The following PLEKHM1 variants were observed in gnomAD, a reference collection of about 807,000 sequenced individuals.
PLEKHM1 encodes pleckstrin homology domain-containing family M member 1.
PLEKHM1 carries 28 observed loss-of-function variants against 94.3 expected under a neutral mutation model. That is an observed-to-expected ratio of 0.30 (90% confidence interval 0.22 to 0.41). The LOEUF (loss-of-function observed/expected upper bound fraction) is 0.41, where lower values mean the gene tolerates loss of function less well. PLEKHM1 is among the 10% of genes least tolerant of loss of function. The probability of loss-of-function intolerance (pLI) is 1.00; values close to 1 mark genes in which losing one functional copy is unlikely to be tolerated. For missense variants in PLEKHM1, 907 were observed against 1,358.6 expected (o/e 0.67, Z 5.22); for synonymous variants, 424 against 581.2 (o/e 0.73, Z 3.89).
chr17:45,475,832 C>A lies in PLEKHM1; in HGVS notation c.297-106G>T, dbSNP rs191498232. The A allele has an allele frequency of 2.5e-6, 3 of 1,202,192 alleles. No homozygotes were observed. In the African/African-American group the frequency reaches 4.5e-5, roughly 18 times the overall value. The allele number at this position is 1,202,192 out of a possible 1,614,324, so 74.5% of individuals were successfully genotyped here. A position where few individuals can be genotyped will look rare whatever the true frequency, so the allele number is the denominator to read the frequency against. On this transcript the variant is annotated intron_variant, in intron 3 of 11. Coordinates refer to ENST00000430334, the MANE Select transcript of PLEKHM1 (RefSeq NM_014798.3). ...CAGGAATAACTACTGCAAATAGATA[C>A]AGGCATGAAAAAATATTGGGTAATA...
At position 45,453,891 on chromosome 17, in the gene PLEKHM1, C is replaced by T. The variant is rs530953924; in HGVS notation, c.1961G>A (p.Cys654Tyr). ...CGAGAGCAGGTCTGAGGGAGAGAGG[C>T]AGCCCTGGGGCGCCTCGGGGGGTTC... ...PEEPPEAPQG[C>Y]LSPSDLLSEP... Residue 654 changes from cysteine (C) to tyrosine (Y), a missense_variant, in exon 7 of 12, where the codon TGC becomes TAC. Physicochemically the swap from Cys to Tyr is radical, Grantham distance 194 (BLOSUM62 -2). Transcript: ENST00000430334. This position sits in a 1 kb window ranked among gnomAD's most constrained non-coding sequence, Gnocchi z 4.1. 1 of 1,613,862 alleles carries T rather than the reference C, an allele frequency of 6.2e-7. No homozygotes were observed. The highest frequency in any genetic ancestry group is 1.1e-5 in the South Asian group (1 of 91,070).
chr17:45,437,878 C>G lies in PLEKHM1; in HGVS notation c.3151G>C (p.Glu1051Gln). ...PRCARRRKYQ[E>Q]QNIFA is the part of the protein sequence containing the mutation. The stretch of plus-strand genomic sequence containing the variant: ...GGGCATCAGGCGAAAATGTTCTGTT[C>G]CTGGTACTTGCGCCGGCGGGCACAG... The change falls in exon 12 of 12, where the codon GAA (glutamate) becomes CAA (glutamine). Residue 1051 changes from glutamate to glutamine, a missense_variant. By Grantham distance (29) the Glu-to-Gln change is conservative. Around this residue, in one of 3 missense-constraint regions of PLEKHM1, gnomAD observed 254 missense variants for 451.1 expected, o/e 0.56. Transcript: ENST00000430334. This position sits in a 1 kb window ranked among gnomAD's most constrained non-coding sequence, Gnocchi z 4.0. 6.2e-7 allele frequency: 1 copy of G among 1,613,954 alleles called. No individual in the cohort carries two copies. Among genetic ancestry groups the G allele is most frequent in the Non-Finnish European group, 8.5e-7 (1 of 1,179,966 alleles).
At chr17:45,461,355 T>C (rs1597960420) in intron 5 of PLEKHM1, among the ~76,000 whole-genome samples, 1 of 152,312 alleles carries the variant, frequency 6.6e-6, no homozygotes, top group East Asian at 1.9e-4. Flanking sequence ...ATTTTCCGGA[T>C]GGTGTGCCCT....
chr17:45,439,695 A>G lies in PLEKHM1; in HGVS notation c.2902-61T>C. ...GTCTGCGATCTGCGGAGGGCTGGTAAACTGAGGCCCCAGGCCTTTCAAGCA... is the reference window on the plus strand; with the variant it reads ...GTCTGCGATCTGCGGAGGGCTGGTAGACTGAGGCCCCAGGCCTTTCAAGCA... On this transcript the variant is annotated intron_variant, in intron 10 of 11. Coordinates refer to ENST00000430334, the MANE Select transcript of PLEKHM1 (RefSeq NM_014798.3). 3 of 1,605,756 alleles carry G rather than the reference A, an allele frequency of 1.9e-6. No homozygotes were observed. The South Asian group carries it at 3.3e-5, about 18-fold the overall frequency.
At chr17:45,479,090 G>C (rs79796615) in intron 2 of PLEKHM1, among the ~76,000 whole-genome samples, 254 of 149,860 alleles carry the variant, frequency 1.7e-3, no homozygotes, top group Non-Finnish European at 3.3e-3. Flanking sequence ...ATTCTAAAAA[G>C]AGGCTGGGTG....
At chr17:45,449,589 TCCATCCACCAAC>T (rs2050709196) in intron 8 of PLEKHM1, among the ~76,000 whole-genome samples, 1 of 151,020 alleles carries the variant, frequency 6.6e-6, no homozygotes, top group Admixed American at 6.6e-5. Context: ...TACCCATCCA[TCCATCCACCAAC>T]CCATCCACCT....
rs1160429593 is a variant in PLEKHM1 at position 45,444,279 on chromosome 17, G to C, written c.2837+1191C>G. 1.3e-5 allele frequency among the ~76,000 whole-genome samples: 2 copies of C among 152,204 alleles called. No homozygotes were observed. The highest frequency in any genetic ancestry group is 2.9e-5 in the Non-Finnish European group (2 of 68,028). On this transcript the variant is annotated intron_variant, in intron 9 of 11. Transcript: ENST00000430334. This position sits in a 1 kb window ranked among gnomAD's most constrained non-coding sequence, Gnocchi z 5.0. The stretch of plus-strand genomic sequence containing the variant: ...CATTCTGGGCAGTAGGCACCGGCAG[G>C]CTTCTCCGCCTGAGGTCTGCCCTCC...
intron 1 of PLEKHM1, among the ~76,000 whole-genome samples, chr17:45,486,211 C>T (rs1221575210): frequency 7.9e-5 from 11 of 139,138 alleles, no homozygotes; most frequent in African/African-American, 1.4e-4. Flanking sequence ...AGAGAGACTC[C>T]GTCTCAAAAA....
At chr17:45,479,802 TG>T (rs1209315299) in intron 2 of PLEKHM1, among the ~76,000 whole-genome samples, 9 of 152,254 alleles carry the variant, frequency 5.9e-5, no homozygotes, top group Non-Finnish European at 1.3e-4. Context: ...GCACTGTGCC[TG>T]GCACATAGAA....
At chr17:45,480,240 C>T (rs1305816362) in intron 2 of PLEKHM1, among the ~76,000 whole-genome samples, 5 of 152,142 alleles carry the variant, frequency 3.3e-5, no homozygotes, top group Non-Finnish European at 5.9e-5. Flanking sequence ...CCCAGCACTT[C>T]GGGAGGCCAA....
rs758867157 is a variant in PLEKHM1 at position 45,475,498 on chromosome 17, G to A, written c.525C>T (p.Ser175=). Residue 175 remains serine (S), a synonymous_variant, in exon 4 of 12, where the codon TCC becomes TCT. Transcript: ENST00000430334. ...LSFLQGLTSL[S]FELSYKSAIL... is the part of the protein sequence containing the mutation. ...TGGCAGACTTGTAGGAGAGTTCGAA[G>A]GACAAGGACGTGAGGCCCTGCAGGA... 6.8e-6 allele frequency: 11 copies of A among 1,611,926 alleles called. 1 individual carries two copies. The highest frequency in any genetic ancestry group is 3.3e-5 in the South Asian group (3 of 91,084).
chr17:45,453,283 G>A lies in PLEKHM1; in HGVS notation c.2497+72C>T. On this transcript the variant is annotated intron_variant, in intron 7 of 11. Transcript: ENST00000430334. The surrounding 1 kb of genome is among the most constrained non-coding windows in gnomAD (Gnocchi z 4.1). Reference sequence around the variant, plus strand: ...TTGCGGGGAGGCAGAAGGGTGGGGAGCCTAAATCAGGAACCAGCAGGAGGT... The same window carrying A: ...TTGCGGGGAGGCAGAAGGGTGGGGAACCTAAATCAGGAACCAGCAGGAGGT... The A allele has an allele frequency of 6.6e-7, 1 of 1,514,616 alleles. No individual in the cohort carries two copies. The highest frequency in any genetic ancestry group is 1.2e-5 in the South Asian group (1 of 84,228). 93.8% of individuals were successfully genotyped at this position (1,514,616 alleles called of 1,614,324 possible). A position where few individuals can be genotyped will look rare whatever the true frequency, so the allele number is the denominator to read the frequency against.
Position 45,453,306 on chromosome 17 carries a change from G to C in PLEKHM1, c.2497+49C>G, listed in dbSNP as rs759688948. 1 of 1,584,948 alleles carries C rather than the reference G, an allele frequency of 6.3e-7. No individual in the cohort carries two copies. Among genetic ancestry groups the C allele is most frequent in the Admixed American group, 1.8e-5 (1 of 56,022 alleles). On this transcript the variant is annotated intron_variant, in intron 7 of 11. Coordinates refer to ENST00000430334, the MANE Select transcript of PLEKHM1 (RefSeq NM_014798.3). The surrounding 1 kb of genome is among the most constrained non-coding windows in gnomAD (Gnocchi z 4.1). ...GAGCCTAAATCAGGAACCAGCAGGAGGTGGAGTGAGGCTGGCAGGCTGGGG... is the reference window on the plus strand; with the variant it reads ...GAGCCTAAATCAGGAACCAGCAGGACGTGGAGTGAGGCTGGCAGGCTGGGG...
At position 45,445,507 on chromosome 17, in the gene PLEKHM1, G is replaced by A. The variant is rs1316385446; in HGVS notation, c.2800C>T (p.Leu934=). ...TCCTTCAGGGCGCCACTCCGGCACA[G>A]GCCCAGGTAATCCCCCAGGAGCTTC... The part of the protein sequence containing the change: ...QLKLLGDYLG[L]CRSGALKELS... Residue 934 remains leucine (L), a synonymous_variant, in exon 9 of 12, where the codon CTG becomes TTG. Coordinates refer to ENST00000430334, the MANE Select transcript of PLEKHM1 (RefSeq NM_014798.3). This position sits in a 1 kb window ranked among gnomAD's most constrained non-coding sequence, Gnocchi z 4.2. 6.2e-7 allele frequency: 1 copy of A among 1,613,790 alleles called. No homozygotes were observed. Among genetic ancestry groups the A allele is most frequent in the African/African-American group, 1.3e-5 (1 of 74,950 alleles).
chr17:45,439,625 C>T lies in PLEKHM1; in HGVS notation c.2911G>A (p.Gly971Arg), dbSNP rs764393685. ...SVADLQQIAD[G>R]VYEGFLKALI... ...GCCTTGAGGAATCCTTCATACACCC[C>T]GTCTGCGATCTGCGGAGGGCAAGTA... The change falls in exon 11 of 12, where the codon GGG (glycine) becomes AGG (arginine). Residue 971 changes from glycine to arginine, a missense_variant. Gly to Arg is a moderately radical substitution (Grantham distance 125). Around this residue, in one of 3 missense-constraint regions of PLEKHM1, gnomAD observed 254 missense variants for 451.1 expected, o/e 0.56. Transcript: ENST00000430334. 13 of 1,613,842 alleles carry T rather than the reference C, an allele frequency of 8.1e-6. No homozygotes were observed. The highest frequency in any genetic ancestry group is 2.7e-5 in the African/African-American group (2 of 74,884).
At chr17:45,448,589 G>A (rs2050680987) in intron 8 of PLEKHM1, among the ~76,000 whole-genome samples, 1 of 152,316 alleles carries the variant, frequency 6.6e-6, no homozygotes, top group Admixed American at 6.5e-5. Context: ...GTAGATGGGT[G>A]GATGGGTGGG....
In PLEKHM1 at chr17:45,446,772, T is replaced by C. The variant is rs184359167; in HGVS notation, c.2644-1109A>G. ...ATCCAGCAACCTTTTCAAATTCTGA[T>C]AAATTGTGTAGGGGAAAAAAAGTCT... On this transcript the variant is annotated intron_variant, in intron 8 of 11. Coordinates refer to ENST00000430334, the MANE Select transcript of PLEKHM1 (RefSeq NM_014798.3). 7.2e-3 allele frequency among the ~76,000 whole-genome samples: 1,103 copies of C among 152,354 alleles called. 8 individuals carry two copies. Among genetic ancestry groups the C allele is most frequent in the Non-Finnish European group, 0.012 (840 of 68,032 alleles).
At chr17:45,488,941 A>G (rs1414768542) in intron 1 of PLEKHM1, among the ~76,000 whole-genome samples, 8 of 152,202 alleles carry the variant, frequency 5.3e-5, no homozygotes, top group Non-Finnish European at 1.0e-4. Context: ...TCCGTCGAAA[A>G]AAAGAAAGAA....
intron 2 of PLEKHM1, among the ~76,000 whole-genome samples, chr17:45,478,872 C>T (rs1028235215): frequency 6.6e-6 from 1 of 152,110 alleles, no homozygotes; most frequent in African/African-American, 2.4e-5. Context: ...GAGGACTAGG[C>T]TCAGTCCTAG....
Sources: allele counts gnomAD v4.1 joint callset (sites outside exome capture counted in the v4.1 genomes callset), GRCh38; gene constraint gnomAD v4.1.1; regional missense constraint gnomAD v4.1.1; non-coding constraint Gnocchi (gnomAD v3.1); transcripts MANE v1.5; gene names NCBI Gene and HGNC (gene_info 2026-07-23, HGNC 2026-07-21).